Variants in RIT2 observed in about 807,000 individuals in gnomAD.
RIT2 encodes Ras like without CAAX 2, also known as GTP-binding protein Rit2.
In RIT2, 24 loss-of-function variants were observed where a neutral mutation model predicts 23.7. That is an observed-to-expected ratio of 1.01 (90% CI 0.73 to 1.43). The LOEUF (loss-of-function observed/expected upper bound fraction) is 1.43, where lower values mean the gene tolerates loss of function less well. Among genes scored for constraint, RIT2 ranks in the 40% most tolerant of loss-of-function variants. The pLI is 0.00. For synonymous variants in RIT2, 107 were observed against 91.1 expected, an observed-to-expected ratio of 1.17 and a Z score of -0.99; for missense variants, 236 against 266.9, an observed-to-expected ratio of 0.88 and a Z score of 0.81.
intron 4 of RIT2, among the ~76,000 whole-genome samples, chr18:42,862,286 C>T (rs1020069422): frequency 1.1e-4 from 16 of 152,208 alleles, no homozygotes; most frequent in African/African-American, 3.9e-4. Flanking sequence ...CCTGCCACCA[C>T]GTGAAGAAGG....
chr18:42,791,973 A>G (rs1914053507), intron 4 of RIT2, among the ~76,000 whole-genome samples: 1 of 152,208 alleles, frequency 6.6e-6, no homozygotes, highest in Non-Finnish European at 1.5e-5. Flanking sequence ...ACTGCTGGAG[A>G]AGAAAAATGT....
intron 1 of RIT2, among the ~76,000 whole-genome samples, chr18:43,104,463 G>T (rs1913761600): frequency 6.6e-6 from 1 of 152,032 alleles, no homozygotes. Flanking sequence ...AATGTTTGAG[G>T]TGATAGATAT....
At position 43,094,883 on chromosome 18, in the gene RIT2, C is replaced by T. The variant is rs147546092; in HGVS notation, c.103+20534G>A. ...GCTTCATCCATGTCCCTGCAAAGGA[C>T]ACGAACTCATTTTTTTTTTATGGCT... On this transcript the variant is annotated intron_variant, in intron 1 of 4. Transcript: ENST00000326695. 2.0e-3 allele frequency among the ~76,000 whole-genome samples: 287 copies of T among 144,994 alleles called. 3 individuals carry two copies. The highest frequency in any genetic ancestry group is 7.2e-3 in the African/African-American group (279 of 38,840).
chr18:42,878,857 T>A (rs1017753971), intron 4 of RIT2, among the ~76,000 whole-genome samples: 23 of 143,832 alleles, frequency 1.6e-4, no homozygotes, highest in Non-Finnish European at 3.2e-4. Flanking sequence ...CAATTCTTAC[T>A]TCTACTCATC....
intron 3 of RIT2, among the ~76,000 whole-genome samples, chr18:42,962,452 A>C (rs1023337138): frequency 1.3e-5 from 2 of 152,214 alleles, no homozygotes; most frequent in African/African-American, 4.8e-5. Context: ...CTTTCGTTTG[A>C]AACTTGAATT....
In RIT2 at chr18:42,841,216, A is replaced by G. The variant is rs1007262897; in HGVS notation, c.426+82356T>C. Among the ~76,000 whole-genome samples the G allele has an allele frequency of 2.0e-5, 3 of 152,208 alleles. No individual in the cohort carries two copies. In the East Asian group the frequency reaches 5.8e-4, roughly 29 times the overall value. ...AACAGGCATGATCATTGTAATAGGT[A>G]TATCAGATAAGCTAACAGATATTTT... On this transcript the variant is annotated intron_variant, in intron 4 of 4. Coordinates refer to ENST00000326695, the MANE Select transcript of RIT2 (RefSeq NM_002930.4).
At chr18:42,925,193 T>C in intron 3 of RIT2, among the ~76,000 whole-genome samples, 1 of 152,018 alleles carries the variant, frequency 6.6e-6, no homozygotes, top group East Asian at 1.9e-4. Flanking sequence ...AATGTACTAA[T>C]ATGGGAGAAA....
chr18:42,992,623 TCA>T (rs1257755434), intron 2 of RIT2, among the ~76,000 whole-genome samples: 1 of 152,088 alleles, frequency 6.6e-6, no homozygotes, highest in Admixed American at 6.6e-5. Flanking sequence ...CCTCCCCTCC[TCA>T]CACCCAGTCT....
intron 1 of RIT2, among the ~76,000 whole-genome samples, chr18:43,100,959 A>G (rs935437976): frequency 2.6e-5 from 4 of 152,014 alleles, no homozygotes; most frequent in African/African-American, 9.7e-5. Flanking sequence ...GTGTATATAC[A>G]CACACATGCA....
rs569159948 is a variant in RIT2, at chr18:42,850,273, C to T, written c.426+73299G>A. On this transcript the variant is annotated intron_variant, in intron 4 of 4. Transcript: ENST00000326695. ...TCAAAACAATCAGTTAACAACTGGA[C>T]AGAAAATGCAAAATGCCACCAGTTT... Among the ~76,000 whole-genome samples, 45 of 152,264 alleles carry T rather than the reference C, an allele frequency of 3.0e-4. No individual in the cohort carries two copies. In the South Asian group the frequency reaches 4.1e-3, roughly 14 times the overall value.
chr18:42,962,680 T>A (rs1051815429), intron 3 of RIT2, among the ~76,000 whole-genome samples: 4 of 152,334 alleles, frequency 2.6e-5, no homozygotes, highest in Middle Eastern at 6.8e-3. Context: ...CTTAGTGATA[T>A]CAAAGATACT....
rs187707807 is a variant in RIT2, at chr18:42,953,131, T to C, written c.234+20943A>G. On this transcript the variant is annotated intron_variant, in intron 3 of 4. Coordinates refer to ENST00000326695, the MANE Select transcript of RIT2 (RefSeq NM_002930.4). ...TCCCAAAATGTGTAGCAATCTCTCA[T>C]CCATTGTCTTCTCTTTTTGTCTTTG... 3.5e-3 allele frequency among the ~76,000 whole-genome samples: 532 copies of C among 152,236 alleles called. 2 individuals are homozygous for C. The highest frequency in any genetic ancestry group is 0.012 in the African/African-American group (504 of 41,578).
chr18:42,756,711 T>C (rs952516961), intron 4 of RIT2, among the ~76,000 whole-genome samples: 1 of 152,144 alleles, frequency 6.6e-6, no homozygotes, highest in Non-Finnish European at 1.5e-5. Flanking sequence ...ATATTTGCAC[T>C]AATAAATAAA....
intron 1 of RIT2, among the ~76,000 whole-genome samples, chr18:43,074,971 G>A (rs1912979412): frequency 6.6e-6 from 1 of 152,062 alleles, no homozygotes; most frequent in South Asian, 2.1e-4. Context: ...GTGATGGGTT[G>A]ATAGATGCAG....
At chr18:43,102,044 A>G (rs1038528425) in intron 1 of RIT2, among the ~76,000 whole-genome samples, 1 of 152,236 alleles carries the variant, frequency 6.6e-6, no homozygotes, top group African/African-American at 2.4e-5. Flanking sequence ...AACTTTGCCC[A>G]TGAAATAAGT....
intron 4 of RIT2, among the ~76,000 whole-genome samples, chr18:42,887,946 T>A (rs147778211): frequency 3.6e-4 from 55 of 152,184 alleles, no homozygotes; most frequent in African/African-American, 1.3e-3. Context: ...TATGTAACAT[T>A]CTAGAAAAGG....
At chr18:42,861,232 A>C (rs2144049592) in intron 4 of RIT2, among the ~76,000 whole-genome samples, 1 of 152,276 alleles carries the variant, frequency 6.6e-6, no homozygotes, top group South Asian at 2.1e-4. Context: ...ACTTACAGCT[A>C]CTCTCAGATA....
intron 1 of RIT2, among the ~76,000 whole-genome samples, chr18:43,079,362 T>C (rs1913101028): frequency 6.6e-6 from 1 of 152,206 alleles, no homozygotes; most frequent in African/African-American, 2.4e-5. Context: ...GAAAAAAATA[T>C]ACTGGATGCA....
chr18:42,994,178 G>A (rs965759815), intron 2 of RIT2, among the ~76,000 whole-genome samples: 8 of 151,726 alleles, frequency 5.3e-5, no homozygotes, highest in African/African-American at 9.7e-5. Flanking sequence ...GCCTCTCTTC[G>A]CTTTCACTTG....
Sources: gnomAD v4.1 joint callset for allele counts (sites outside exome capture counted in the v4.1 genomes callset) on GRCh38, gnomAD v4.1.1 for gene constraint, MANE v1.5 for transcripts, NCBI Gene and HGNC (gene_info 2026-07-23, HGNC 2026-07-21) for gene names.